The following CCDC66 variants were observed in gnomAD, a reference collection of about 807,000 sequenced individuals.
CCDC66 encodes the protein coiled-coil domain-containing protein 66.
Under a neutral mutation model 128.3 loss-of-function variants are expected in CCDC66, and 133 were observed. That is an observed-to-expected ratio of 1.04 (90% confidence interval 0.90 to 1.20). The LOEUF (loss-of-function observed/expected upper bound fraction) is 1.20, where lower values mean the gene tolerates loss of function less well. Among genes scored for constraint, CCDC66 ranks in the 50% most tolerant of loss-of-function variants. CCDC66 has a pLI of 0.00. For missense variants in CCDC66, 1,126 were observed against 1,075.5 expected (o/e 1.05, Z -0.66); for synonymous variants, 387 against 357.0 (o/e 1.08, Z -0.95).
intron 7 of CCDC66, among the ~76,000 whole-genome samples, chr3:56,582,120 G>A (rs2068493390): frequency 6.6e-6 from 1 of 151,898 alleles, no homozygotes; most frequent in South Asian, 2.1e-4. Flanking sequence ...AATAGGGGAC[G>A]CCCCTCCCCA....
intron 10 of CCDC66, among the ~76,000 whole-genome samples, chr3:56,597,777 G>GATTTTT (rs2072307108): frequency 1.1e-5 from 1 of 87,916 alleles, no homozygotes; most frequent in Non-Finnish European, 2.1e-5. Flanking sequence ...TTGTTTTGGG[G>GATTTTT]TTTTTTTTTT....
Position 56,619,475 on chromosome 3 carries a change from T to C in CCDC66, c.2583T>C (p.Asp861=). 2 of 1,614,102 alleles carry C rather than the reference T, an allele frequency of 1.2e-6. No individual in the cohort carries two copies. Among genetic ancestry groups the C allele is most frequent in the Non-Finnish European group, 1.7e-6 (2 of 1,179,984 alleles). Residue 861 remains aspartate, a synonymous_variant, in exon 16 of 18, where the codon GAT becomes GAC. Coordinates refer to ENST00000394672, the MANE Select transcript of CCDC66 (RefSeq NM_001141947.3). Reference sequence around the variant, plus strand: ...ATGAGATCTATTACCTTGATCCCGATGCACCATTGTCTGGGCCTTCAACCC... The same window carrying C: ...ATGAGATCTATTACCTTGATCCCGACGCACCATTGTCTGGGCCTTCAACCC... ...RTNEIYYLDP[D]APLSGPSTQD...
intron 10 of CCDC66, among the ~76,000 whole-genome samples, chr3:56,605,699 G>T (rs2073965028): frequency 6.6e-6 from 1 of 151,998 alleles, no homozygotes; most frequent in Non-Finnish European, 1.5e-5. Flanking sequence ...TGTATGAAGT[G>T]TCTGTCAGCC....
chr3:56,581,464 A>T lies in CCDC66; in HGVS notation c.936+10162A>T, dbSNP rs560653201. ...TTTGTTCCATTGCTAGTGAGGAGCT[A>T]TGTTCCTTTGGAGGAGAAGAGGTGC... On this transcript the variant is annotated intron_variant, in intron 7 of 17. Coordinates refer to ENST00000394672, the MANE Select transcript of CCDC66 (RefSeq NM_001141947.3). Among the ~76,000 whole-genome samples the T allele has an allele frequency of 5.9e-5, 9 of 151,944 alleles. No individual in the cohort carries two copies. The East Asian group carries it at 1.6e-3, about 27-fold the overall frequency.
At chr3:56,618,766 G>A (rs2075899991) in intron 15 of CCDC66, 1 of 157,010 alleles carries the variant, frequency 6.4e-6, no homozygotes, top group Non-Finnish European at 1.4e-5. Flanking sequence ...TCAGGATCTA[G>A]GAATTAAATT....
At chr3:56,567,431 A>G (rs898901544) in intron 6 of CCDC66, among the ~76,000 whole-genome samples, 4 of 152,240 alleles carry the variant, frequency 2.6e-5, no homozygotes, top group Non-Finnish European at 4.4e-5. Context: ...GATGAAGTTT[A>G]GGGGCCAAGG....
At chr3:56,621,335 A>C (rs11716494) in intron 17 of CCDC66, 197 bp from the exon 18 acceptor site, 48 of 392,254 alleles carry the variant, frequency 1.2e-4, no homozygotes, top group Non-Finnish European at 1.9e-4. Flanking sequence ...TTTTATGCTA[A>C]AAACAGAATC....
chr3:56,580,295 G>A (rs1478831134), intron 7 of CCDC66, among the ~76,000 whole-genome samples: 2 of 151,680 alleles, frequency 1.3e-5, no homozygotes, highest in African/African-American at 2.4e-5. Context: ...TTTTGAGCCT[G>A]TGTGTGTCTC....
chr3:56,594,928 A>G (rs1559706454), intron 10 of CCDC66, among the ~76,000 whole-genome samples: 1 of 152,150 alleles, frequency 6.6e-6, no homozygotes, highest in Non-Finnish European at 1.5e-5. Flanking sequence ...GTTTTTTTTA[A>G]TACCATTTCC....
intron 10 of CCDC66, among the ~76,000 whole-genome samples, chr3:56,595,593 GGCCAAATAGTATCCCATTGTGTA>G (rs1209542957): frequency 6.6e-6 from 1 of 152,048 alleles, no homozygotes; most frequent in Non-Finnish European, 1.5e-5. Context: ...CTTTCTTTAT[GGCCAAATAGTATCCCATTGTGTA>G]TATACCACAT....
At chr3:56,615,487 C>T (rs946196329) in intron 12 of CCDC66, 5 of 463,142 alleles carry the variant, frequency 1.1e-5, no homozygotes, top group Non-Finnish European at 1.9e-5. Context: ...GACTCTCCCA[C>T]CTTGGCCTCC....
intron 7 of CCDC66, among the ~76,000 whole-genome samples, chr3:56,573,920 A>C (rs902229684): frequency 1.6e-5 from 2 of 128,952 alleles, no homozygotes; most frequent in African/African-American, 6.2e-5. Context: ...CTAAAAAAAA[A>C]CAATAAAGTT....
chr3:56,575,725 T>C (rs766752666), intron 7 of CCDC66, among the ~76,000 whole-genome samples: 2 of 151,846 alleles, frequency 1.3e-5, no homozygotes, highest in African/African-American at 2.4e-5. Context: ...TATGTTTAGG[T>C]CTTTGATCTA....
At chr3:56,593,403 CTT>C in intron 8 of CCDC66, 86 bp from the exon 9 acceptor site, 3 of 1,449,870 alleles carry the variant, frequency 2.1e-6, no homozygotes, top group Non-Finnish European at 2.8e-6. Context: ...TCTAAGGTGA[CTT>C]TTAGAAATCA....
Position 56,592,965 on chromosome 3 carries a change from T to G in CCDC66, c.937-5T>G, listed in dbSNP as rs1479205982. 6.2e-7 allele frequency: 1 copy of G among 1,603,180 alleles called. No individual in the cohort carries two copies. Among genetic ancestry groups the G allele is most frequent in the Non-Finnish European group, 8.5e-7 (1 of 1,177,256 alleles). ...CTTTAGATGGCTTTTATGGCTGTTG[T>G]TTAGGAAACAGTACTGCTGGAGCAC... On this transcript the variant is annotated splice_region_variant and splice_polypyrimidine_tract_variant and intron_variant, in intron 7 of 17. Transcript: ENST00000394672.
chr3:56,568,536 T>G (rs992072545), intron 6 of CCDC66, among the ~76,000 whole-genome samples: 1 of 152,234 alleles, frequency 6.6e-6, no homozygotes, highest in African/African-American at 2.4e-5. Flanking sequence ...TACTCTGAAG[T>G]GTGCACCAAA....
intron 7 of CCDC66, among the ~76,000 whole-genome samples, chr3:56,584,301 G>A (rs2069125281): frequency 1.3e-5 from 2 of 149,066 alleles, no homozygotes; most frequent in East Asian, 2.1e-4. Context: ...CAGACGGGGT[G>A]GCTGCCGGGC....
chr3:56,614,108 C>A (rs1277456289), intron 11 of CCDC66, among the ~76,000 whole-genome samples: 2 of 152,048 alleles, frequency 1.3e-5, no homozygotes, highest in Non-Finnish European at 2.9e-5. Flanking sequence ...GAAAAATAAC[C>A]AGAAGTTGAA....
intron 4 of CCDC66, 114 bp downstream of exon 4, chr3:56,564,239 A>T: frequency 1.4e-6 from 1 of 707,534 alleles, no homozygotes; most frequent in South Asian, 2.4e-5. Context: ...TTAACCTGTC[A>T]ATCTATTAAA....
Sources: allele counts gnomAD v4.1 joint callset (sites outside exome capture counted in the v4.1 genomes callset), GRCh38; gene constraint gnomAD v4.1.1; transcripts MANE v1.5; gene names NCBI Gene and HGNC (gene_info 2026-07-23, HGNC 2026-07-21).